GOLGA7: variants seen among roughly 807,000 people sequenced by gnomAD.
GOLGA7 encodes the protein golgin subfamily A member 7.
Under a neutral mutation model 21.1 loss-of-function variants are expected in GOLGA7, and 10 were observed. That is an observed-to-expected ratio of 0.47 (90% CI 0.29 to 0.80). GOLGA7 has a LOEUF of 0.80. Ranked by LOEUF, GOLGA7 falls within the 30% of genes least tolerant of loss-of-function variation. The probability of loss-of-function intolerance (pLI) is 0.08; values close to 1 mark genes in which losing one functional copy is unlikely to be tolerated. For missense variants in GOLGA7, 114 were observed against 166.8 expected (o/e 0.68, Z 1.74); for synonymous variants, 64 against 62.6 (o/e 1.02, Z -0.10).
At chr8:41,497,218 G>A (rs1806040404) in intron 1 of GOLGA7, among the ~76,000 whole-genome samples, 1 of 151,666 alleles carries the variant, frequency 6.6e-6, no homozygotes, top group Non-Finnish European at 1.5e-5. Context: ...CTGATAGTAG[G>A]CGCTCAGTAA....
At chr8:41,506,996 T>C (rs1806301591) in intron 3 of GOLGA7, 63 bp from the exon 4 acceptor site, 3 of 814,150 alleles carry the variant, frequency 3.7e-6, no homozygotes, top group Non-Finnish European at 6.6e-6. Flanking sequence ...CCCTCCACCT[T>C]GCCAAGTCCC....
intron 2 of GOLGA7, among the ~76,000 whole-genome samples, chr8:41,504,620 A>C (rs1205695326): frequency 6.6e-6 from 1 of 152,220 alleles, no homozygotes; most frequent in Non-Finnish European, 1.5e-5. Flanking sequence ...AATACTCCTA[A>C]TTTATTACGT....
intron 2 of GOLGA7, among the ~76,000 whole-genome samples, chr8:41,500,141 G>A (rs1483451711): frequency 6.6e-6 from 1 of 152,206 alleles, no homozygotes; most frequent in Non-Finnish European, 1.5e-5. Flanking sequence ...CATGGTTGCT[G>A]ACCTTGTGGA....
chr8:41,497,458 G>C (rs1259000576), intron 1 of GOLGA7, 51 bp from the exon 2 acceptor site: 2 of 1,035,234 alleles, frequency 1.9e-6, no homozygotes, highest in African/African-American at 3.2e-5. Flanking sequence ...GCATGCATTA[G>C]TTGATTTTTT....
rs147992668 is a variant in GOLGA7, at chr8:41,499,600, G to A, written c.264+1939G>A. Among the ~76,000 whole-genome samples the A allele has an allele frequency of 5.1e-3, 777 of 152,208 alleles. 9 individuals carry two copies. The highest frequency in any genetic ancestry group is 0.017 in the African/African-American group (705 of 41,524). ...TGATTCTGCCAATTGATGGCCTACC[G>A]GTGTGCCAGTGTGCTCCTACGCCAG... is the stretch of plus-strand genomic sequence containing the variant. On this transcript the variant is annotated intron_variant, in intron 2 of 4. Transcript: ENST00000357743.
chr8:41,508,141 A>G (rs12545679), intron 4 of GOLGA7, among the ~76,000 whole-genome samples: 27,443 of 152,258 alleles, frequency 0.18, 3,002 homozygotes, highest in Middle Eastern at 0.31. Flanking sequence ...CTGATTGATC[A>G]TAAAACCCCT....
intron 1 of GOLGA7, among the ~76,000 whole-genome samples, chr8:41,496,804 C>G (rs1161593271): frequency 1.1e-5 from 1 of 91,654 alleles, no homozygotes; most frequent in Admixed American, 1.6e-4. Flanking sequence ...CAGTTTATTG[C>G]TTTTTTTTTT....
chr8:41,505,817 A>G, intron 2 of GOLGA7, 94 bp from the exon 3 acceptor site: 1 of 631,708 alleles, frequency 1.6e-6, no homozygotes, highest in Non-Finnish European at 2.8e-6. Context: ...CTTGCCTTGA[A>G]AACGAATTCC....
intron 1 of GOLGA7, among the ~76,000 whole-genome samples, chr8:41,491,896 A>G (rs1045556610): frequency 6.6e-6 from 1 of 152,112 alleles, no homozygotes; most frequent in Admixed American, 6.5e-5. Flanking sequence ...CGAGGGCCTG[A>G]GAGGTGATTA....
At chr8:41,499,653 T>A (rs1806104287) in intron 2 of GOLGA7, among the ~76,000 whole-genome samples, 1 of 152,186 alleles carries the variant, frequency 6.6e-6, no homozygotes. Flanking sequence ...CCAGCCACCC[T>A]GTGTGTTCCT....
chr8:41,490,550 G>A, upstream of GOLGA7: 4 of 387,198 alleles, frequency 1.0e-5, no homozygotes, highest in South Asian at 3.2e-5. Context: ...CGGGGAAGAG[G>A]CTTTTTGCGG....
At chr8:41,494,913 T>C (rs2150438535) in intron 1 of GOLGA7, among the ~76,000 whole-genome samples, 1 of 152,176 alleles carries the variant, frequency 6.6e-6, no homozygotes, top group Non-Finnish European at 1.5e-5. Flanking sequence ...TCATGAATTG[T>C]TTTACACTTT....
At chr8:41,507,202 AAATC>A in intron 4 of GOLGA7, 81 bp downstream of exon 4, 1 of 736,888 alleles carries the variant, frequency 1.4e-6, no homozygotes, top group Non-Finnish European at 2.5e-6. Context: ...CATGGTAAAT[AAATC>A]ATTAAATCAC....
chr8:41,492,865 A>G (rs1027537355), intron 1 of GOLGA7, among the ~76,000 whole-genome samples: 7 of 152,254 alleles, frequency 4.6e-5, no homozygotes, highest in African/African-American at 1.7e-4. Context: ...TATTTGAGCT[A>G]AATGTGTATA....
chr8:41,507,174 C>T, intron 4 of GOLGA7, 53 bp downstream of exon 4: 1 of 775,248 alleles, frequency 1.3e-6, no homozygotes, highest in Non-Finnish European at 2.4e-6. Context: ...TTAGAGGATG[C>T]ATGAATATTC....
In GOLGA7 at chr8:41,490,901, G is replaced by T; in HGVS notation, c.47G>T (p.Arg16Leu). ...APVSGKVFIQ[R>L]DYSSGTRCQF... ...GTGTCCGGAAAGGTGTTCATTCAGC[G>T]AGACTACAGCAGTGGCACACGCTGC... The change falls in exon 1 of 5, where the codon CGA (arginine) becomes CTA (leucine). Residue 16 changes from arginine (R) to leucine (L), a missense_variant. Transcript: ENST00000357743. The T allele has an allele frequency of 6.2e-7, 1 of 1,604,406 alleles. No homozygotes were observed. The highest frequency in any genetic ancestry group is 2.3e-5 in the East Asian group (1 of 44,430).
chr8:41,504,346 T>G (rs1476869343), intron 2 of GOLGA7, among the ~76,000 whole-genome samples: 1 of 152,016 alleles, frequency 6.6e-6, no homozygotes, highest in Non-Finnish European at 1.5e-5. Context: ...GGAGACTGAG[T>G]CTCCAGTTTC....
At chr8:41,502,423 A>G (rs1280762725) in intron 2 of GOLGA7, 1 of 152,254 alleles carries the variant, frequency 6.6e-6, no homozygotes, top group Non-Finnish European at 1.5e-5. Context: ...TAGGCCTTTT[A>G]AAACTCACTA....
chr8:41,505,766 A>C (rs768026562), intron 2 of GOLGA7, 145 bp from the exon 3 acceptor site: 1 of 516,480 alleles, frequency 1.9e-6, no homozygotes, highest in East Asian at 3.3e-5. Flanking sequence ...ATGTGAGCCA[A>C]GTAATCACAG....
Sources: gnomAD v4.1 joint callset for allele counts (sites outside exome capture counted in the v4.1 genomes callset) on GRCh38, gnomAD v4.1.1 for gene constraint, MANE v1.5 for transcripts, NCBI Gene and HGNC (gene_info 2026-07-23, HGNC 2026-07-21) for gene names.